ARMC5: variants seen among roughly 807,000 people sequenced by gnomAD.
The protein encoded by ARMC5 is armadillo repeat-containing protein 5.
Under a neutral mutation model 60.5 loss-of-function variants are expected in ARMC5, and 28 were observed. The ratio of observed to expected loss-of-function variants is 0.46; its 90% CI spans 0.34 to 0.63. The LOEUF is 0.63. Ranked by LOEUF, ARMC5 falls within the 30% of genes least tolerant of loss-of-function variation. The probability of loss-of-function intolerance (pLI) is 0.01; values close to 1 mark genes in which losing one functional copy is unlikely to be tolerated. For synonymous variants in ARMC5, 680 were observed against 607.3 expected, an observed-to-expected ratio of 1.12 and a Z score of -1.76; for missense variants, 1,189 against 1,304.9, an observed-to-expected ratio of 0.91 and a Z score of 1.37.
chr16:31,462,346 C>G lies in ARMC5; in HGVS notation c.799C>G (p.Arg267Gly), dbSNP rs369721476. 1.2e-6 allele frequency: 2 copies of G among 1,610,548 alleles called. No individual in the cohort carries two copies. The highest frequency in any genetic ancestry group is 1.7e-6 in the Non-Finnish European group (2 of 1,178,826). Residue 267 changes from arginine (R) to glycine (G), a missense_variant, in exon 3 of 6, where the codon CGA becomes GGA. Transcript: ENST00000268314. The surrounding 1 kb of genome is among the most constrained non-coding windows in gnomAD (Gnocchi z 7.2). Reference sequence around the variant, plus strand: ...CGTCCGTGCCCTCCTGGAACTCAGCCGAGGCTGCTCCCGGGCCTGTGCTGA... The same window carrying G: ...CGTCCGTGCCCTCCTGGAACTCAGCGGAGGCTGCTCCCGGGCCTGTGCTGA... ...ALVRALLELS[R>G]GCSRACAEQL...
intron 1 of ARMC5, among the ~76,000 whole-genome samples, chr16:31,460,726 C>T (rs187646054): frequency 1.3e-5 from 2 of 152,162 alleles, no homozygotes; most frequent in African/African-American, 4.8e-5. Flanking sequence ...GGCAACGTAA[C>T]AAGACCTCGT....
In ARMC5 at chr16:31,462,321, C is replaced by G; in HGVS notation, c.774C>G (p.Leu258=). 1 of 1,610,672 alleles carries G rather than the reference C, an allele frequency of 6.2e-7. No individual in the cohort carries two copies. The highest frequency in any genetic ancestry group is 8.5e-7 in the Non-Finnish European group (1 of 1,179,740). Reference sequence around the variant, plus strand: ...CAGATGCTGCACTGACCTTAGCCCTCGTCCGTGCCCTCCTGGAACTCAGCC... The same window carrying G: ...CAGATGCTGCACTGACCTTAGCCCTGGTCCGTGCCCTCCTGGAACTCAGCC... ...TAPDAALTLA[L]VRALLELSRG... Residue 258 remains leucine, a synonymous_variant, in exon 3 of 6, where the codon CTC becomes CTG. Transcript: ENST00000268314. The surrounding 1 kb of genome is among the most constrained non-coding windows in gnomAD (Gnocchi z 7.2).
chr16:31,459,173 C>T (rs957832643), upstream of ARMC5: 14 of 1,513,104 alleles, frequency 9.3e-6, no homozygotes, highest in Non-Finnish European at 1.2e-5. Flanking sequence ...GGGCGGGGCA[C>T]GGCACGAAGG....
rs1301789118 is a variant in ARMC5, at chr16:31,459,906, A to G, written c.382A>G (p.Thr128Ala). The change falls in exon 1 of 6, where the codon ACG becomes GCG. Residue 128 changes from threonine to alanine, a missense_variant. Physicochemically the swap from Thr to Ala is moderately conservative, Grantham distance 58. This residue lies in a region of ARMC5 where 327 missense variants were observed against 233.7 expected (regional missense o/e 1.40). Coordinates refer to ENST00000268314, the MANE Select transcript of ARMC5 (RefSeq NM_001105247.2). The stretch of plus-strand genomic sequence containing the variant: ...TACGCCGCCAGTGCGCCTGCGCAAG[A>G]CGCTGGACTTGGCGCTCAGCATCCT... ...SPTPPVRLRK[T>A]LDLALSILAD... 3 of 1,606,526 alleles carry G rather than the reference A, an allele frequency of 1.9e-6. No individual in the cohort carries two copies. Among genetic ancestry groups the G allele is most frequent in the Admixed American group, 1.7e-5 (1 of 60,014 alleles).
At position 31,464,826 on chromosome 16, in the gene ARMC5, G is replaced by A. The variant is rs371190969; in HGVS notation, c.1803G>A (p.Ala601=). ...LLRAWLVLGV[A]PDDWPAPRAR... The stretch of plus-strand genomic sequence containing the variant: ...GGGCCTGGCTGGTGCTGGGGGTGGC[G>A]CCTGACGATTGGCCGGCACCACGTG... The change falls in exon 4 of 6, where the codon GCG becomes GCA. Residue 601 remains alanine, a synonymous_variant. Transcript: ENST00000268314. The surrounding 1 kb of genome is among the most constrained non-coding windows in gnomAD (Gnocchi z 7.6). 4.4e-6 allele frequency: 7 copies of A among 1,596,558 alleles called. No individual in the cohort carries two copies. The highest frequency in any genetic ancestry group is 4.5e-5 in the East Asian group (2 of 44,620).
At chr16:31,460,275 T>C (rs997334107) in intron 1 of ARMC5, 1 of 455,842 alleles carries the variant, frequency 2.2e-6, no homozygotes, top group African/African-American at 2.1e-5. Flanking sequence ...CAAAGAGTTA[T>C]TTGGTGATTT....
intron 1 of ARMC5, among the ~76,000 whole-genome samples, chr16:31,461,242 T>A (rs2082300974): frequency 6.6e-6 from 1 of 152,096 alleles, no homozygotes; most frequent in Non-Finnish European, 1.5e-5. Flanking sequence ...TCCTATTCTT[T>A]CCCCATAATG....
At chr16:31,461,568 C>G (rs1023636608) in intron 1 of ARMC5, among the ~76,000 whole-genome samples, 5 of 152,208 alleles carry the variant, frequency 3.3e-5, no homozygotes, top group African/African-American at 1.2e-4. Context: ...AGTGCAGTGA[C>G]ACGATCTCAG....
In ARMC5 at chr16:31,463,593, G is replaced by A. The variant is rs1417699211; in HGVS notation, c.1370+676G>A. On this transcript the variant is annotated intron_variant, in intron 3 of 5. Transcript: ENST00000268314. ...TCTTTATTTTTTTTTAAACATTAGC[G>A]TTGGGGATCTCGCTTTGTTGCCCAG... 4.6e-5 allele frequency among the ~76,000 whole-genome samples: 7 copies of A among 151,990 alleles called. 1 individual carries two copies. The highest frequency in any genetic ancestry group is 4.4e-5 in the Non-Finnish European group (3 of 68,008).
At position 31,466,970 on chromosome 16, in the gene ARMC5, C is replaced by A; in HGVS notation, c.*81C>A. On this transcript the variant is annotated 3_prime_UTR_variant, in exon 6 of 6. Transcript: ENST00000268314. This position sits in a 1 kb window ranked among gnomAD's most constrained non-coding sequence, Gnocchi z 8.0. ...TCCCTGAGACTGGCAAGGGAGGAGG[C>A]TGAGCAGAAGGAGTCATCATGGAGG... The A allele has an allele frequency of 7.1e-7, 1 of 1,407,798 alleles. No homozygotes were observed. Among genetic ancestry groups the A allele is most frequent in the Non-Finnish European group, 9.3e-7 (1 of 1,077,386 alleles). The allele number at this position is 1,407,798 out of a possible 1,614,324, so 87.2% of individuals were successfully genotyped here. A position where few individuals can be genotyped will look rare whatever the true frequency, so the allele number is the denominator to read the frequency against.
chr16:31,466,546 C>T lies in ARMC5; in HGVS notation c.2465C>T (p.Pro822Leu), dbSNP rs541808983. The T allele has an allele frequency of 1.2e-6, 2 of 1,608,418 alleles. No homozygotes were observed. Among genetic ancestry groups the T allele is most frequent in the South Asian group, 1.1e-5 (1 of 90,996 alleles). Residue 822 changes from proline to leucine, a missense_variant, in exon 6 of 6, where the codon CCA becomes CTA. Coordinates refer to ENST00000268314, the MANE Select transcript of ARMC5 (RefSeq NM_001105247.2). This position sits in a 1 kb window ranked among gnomAD's most constrained non-coding sequence, Gnocchi z 8.0. ...GGGGCTGCCCTGGGGCCCGTGCCCCCACCAGGCCAGCCCCTGCTGGGTTCA... is the reference window on the plus strand; with the variant it reads ...GGGGCTGCCCTGGGGCCCGTGCCCCTACCAGGCCAGCCCCTGCTGGGTTCA... ...GCGAALGPVP[P>L]PGQPLLGSEA...
At position 31,462,362 on chromosome 16, in the gene ARMC5, C is replaced by A; in HGVS notation, c.815C>A (p.Ala272Asp). 6.2e-7 allele frequency: 1 copy of A among 1,610,334 alleles called. No homozygotes were observed. The change falls in exon 3 of 6, where the codon GCC becomes GAC. Residue 272 changes from alanine (A) to aspartate (D), a missense_variant. By Grantham distance (126) the Ala-to-Asp change is moderately radical. Coordinates refer to ENST00000268314, the MANE Select transcript of ARMC5 (RefSeq NM_001105247.2). This position sits in a 1 kb window ranked among gnomAD's most constrained non-coding sequence, Gnocchi z 7.2. ...GAACTCAGCCGAGGCTGCTCCCGGGCCTGTGCTGAGCAGCTAAGTCTGGGT... is the reference window on the plus strand; with the variant it reads ...GAACTCAGCCGAGGCTGCTCCCGGGACTGTGCTGAGCAGCTAAGTCTGGGT... ...LLELSRGCSRACAEQLSLGGG... is the reference protein window; with the variant it reads ...LLELSRGCSRDCAEQLSLGGG...
At chr16:31,465,709 AG>A in intron 4 of ARMC5, 140 bp from the exon 5 acceptor site, 1 of 1,481,212 alleles carries the variant, frequency 6.8e-7, no homozygotes, top group South Asian at 1.3e-5. Context: ...CAGCGTCCCG[AG>A]CCCAGCACTG....
In ARMC5 at chr16:31,464,722, C is replaced by T. The variant is rs764638829; in HGVS notation, c.1699C>T (p.Leu567=). The change falls in exon 4 of 6, where the codon CTG becomes TTG. Residue 567 remains leucine, a synonymous_variant. Coordinates refer to ENST00000268314, the MANE Select transcript of ARMC5 (RefSeq NM_001105247.2). The surrounding 1 kb of genome is among the most constrained non-coding windows in gnomAD (Gnocchi z 7.6). ...ACCGGGCCCGCCCAGCCCACGTGCACTGCGCATTCTGTCACGCCTCACCTG... is the reference window on the plus strand; with the variant it reads ...ACCGGGCCCGCCCAGCCCACGTGCATTGCGCATTCTGTCACGCCTCACCTG... The part of the protein sequence containing the change: ...GAPGPPSPRA[L]RILSRLTCNP... The T allele has an allele frequency of 3.8e-6, 6 of 1,599,006 alleles. No homozygotes were observed. Among genetic ancestry groups the T allele is most frequent in the South Asian group, 2.2e-5 (2 of 91,020 alleles).
rs199526370 is a variant in ARMC5 at position 31,462,301 on chromosome 16, G to A, written c.754G>A (p.Ala252Thr). The A allele has an allele frequency of 5.0e-6, 8 of 1,610,254 alleles. No homozygotes were observed. The highest frequency in any genetic ancestry group is 6.8e-6 in the Non-Finnish European group (8 of 1,179,960). Residue 252 changes from alanine to threonine, a missense_variant, in exon 3 of 6, where the codon GCT (alanine) becomes ACT (threonine). Ala to Thr is a moderately conservative substitution (Grantham distance 58). Coordinates refer to ENST00000268314, the MANE Select transcript of ARMC5 (RefSeq NM_001105247.2). This position sits in a 1 kb window ranked among gnomAD's most constrained non-coding sequence, Gnocchi z 7.2. ...LAELLATAPD[A>T]ALTLALVRAL... ...CGAGCTCCTGGCCACTGCCCCAGAT[G>A]CTGCACTGACCTTAGCCCTCGTCCG... is the stretch of plus-strand genomic sequence containing the variant.
At chr16:31,459,009 C>T, upstream of ARMC5, 1 of 1,532,862 alleles carries the variant, frequency 6.5e-7, no homozygotes, top group Non-Finnish European at 8.7e-7. Flanking sequence ...TCTGACCGAG[C>T]GAGGGCTCCC....
chr16:31,459,092 C>T, upstream of ARMC5: 1 of 1,483,942 alleles, frequency 6.7e-7, no homozygotes. Flanking sequence ...CAAGGCCGGG[C>T]CGCACCACCG....
In ARMC5 at chr16:31,466,626, G is replaced by A; in HGVS notation, c.2545G>A (p.Glu849Lys). Residue 849 changes from glutamate to lysine, a missense_variant, in exon 6 of 6, where the codon GAG becomes AAG. Around this residue, in one of 2 missense-constraint regions of ARMC5, gnomAD observed 862 missense variants for 1,071.2 expected, o/e 0.80. Transcript: ENST00000268314. This position sits in a 1 kb window ranked among gnomAD's most constrained non-coding sequence, Gnocchi z 8.0. ...CCGTTTCCTACTGCCTGGGCTGGAGGAGGAGCTGGAAGAGGCCGTGGGCCG... is the reference window on the plus strand; with the variant it reads ...CCGTTTCCTACTGCCTGGGCTGGAGAAGGAGCTGGAAGAGGCCGTGGGCCG... ...AGRFLLPGLE[E>K]ELEEAVGRIH... is the part of the protein sequence containing the mutation. The A allele has an allele frequency of 6.2e-7, 1 of 1,600,556 alleles. No homozygotes were observed. The highest frequency in any genetic ancestry group is 1.1e-5 in the South Asian group (1 of 89,402).
At position 31,459,615 on chromosome 16, in the gene ARMC5, A is replaced by G; in HGVS notation, c.91A>G (p.Lys31Glu). The G allele has an allele frequency of 6.3e-7, 1 of 1,599,368 alleles. No individual in the cohort carries two copies. The highest frequency in any genetic ancestry group is 8.5e-7 in the Non-Finnish European group (1 of 1,179,296). ...AAAGEALGGE[K>E]DPATNETPLS... ...GGCCGGGGAGGCTCTGGGTGGGGAA[A>G]AGGACCCAGCGACCAACGAGACACC... is the stretch of plus-strand genomic sequence containing the variant. Residue 31 changes from lysine to glutamate, a missense_variant, in exon 1 of 6, where the codon AAG becomes GAG. Lys to Glu is a moderately conservative substitution (Grantham distance 56). Around this residue, in one of 2 missense-constraint regions of ARMC5, gnomAD observed 327 missense variants for 233.7 expected, o/e 1.40. Coordinates refer to ENST00000268314, the MANE Select transcript of ARMC5 (RefSeq NM_001105247.2).
Sources: gnomAD v4.1 joint callset for allele counts (sites outside exome capture counted in the v4.1 genomes callset) on GRCh38, gnomAD v4.1.1 for gene constraint, gnomAD v4.1.1 regional missense constraint, Gnocchi (gnomAD v3.1) non-coding constraint, MANE v1.5 for transcripts, NCBI Gene and HGNC (gene_info 2026-07-23, HGNC 2026-07-21) for gene names.